PHC3: variants seen among roughly 807,000 people sequenced by gnomAD.
PHC3 encodes polyhomeotic-like protein 3.
In PHC3, 13 loss-of-function variants were observed where a neutral mutation model predicts 107.4. That is an observed-to-expected ratio of 0.12 (90% confidence interval 0.08 to 0.19). The LOEUF (loss-of-function observed/expected upper bound fraction) is 0.19. Among genes scored for constraint, PHC3 ranks in the 10% least tolerant of loss-of-function variants. PHC3 has a pLI of 1.00. For synonymous variants in PHC3, 456 were observed against 427.4 expected (o/e 1.07, Z -0.83); for missense variants, 992 against 1,210.9 (o/e 0.82, Z 2.68).
At chr3:170,122,789 A>G in intron 8 of PHC3, 45 bp from the exon 9 acceptor site, 1 of 1,588,774 alleles carries the variant, frequency 6.3e-7, no homozygotes, top group Non-Finnish European at 8.6e-7. Flanking sequence ...CCAAAACTAT[A>G]TTTTATCAGG....
intron 10 of PHC3, among the ~76,000 whole-genome samples, chr3:170,113,996 CT>C (rs913398361): frequency 1.2e-4 from 18 of 151,918 alleles, no homozygotes; most frequent in African/African-American, 4.1e-4. Flanking sequence ...TGGAGACTAA[CT>C]TTTTTCCTTT....
chr3:170,168,689 G>A (rs1392873445), intron 4 of PHC3, among the ~76,000 whole-genome samples: 4 of 146,734 alleles, frequency 2.7e-5, no homozygotes, highest in Admixed American at 7.1e-5. Context: ...GGGAGGCGGA[G>A]CTTGCGGTGA....
intron 6 of PHC3, among the ~76,000 whole-genome samples, chr3:170,144,380 C>A (rs1171784486): frequency 6.6e-6 from 1 of 151,548 alleles, no homozygotes; most frequent in Non-Finnish European, 1.5e-5. Flanking sequence ...TTTGTTTATC[C>A]ACTCAGCAGC....
At chr3:170,177,374 T>C (rs758105415) in intron 2 of PHC3, among the ~76,000 whole-genome samples, 1 of 152,066 alleles carries the variant, frequency 6.6e-6, no homozygotes, top group Non-Finnish European at 1.5e-5. Flanking sequence ...ATACTATATA[T>C]ATATATTTTG....
At chr3:170,121,684 T>C (rs1720352777) in intron 9 of PHC3, among the ~76,000 whole-genome samples, 1 of 152,140 alleles carries the variant, frequency 6.6e-6, no homozygotes, top group African/African-American at 2.4e-5. Flanking sequence ...TTAATCCATG[T>C]CTAAAAGCAC....
At position 170,133,368 on chromosome 3, in the gene PHC3, G is replaced by A. The variant is rs568739653; in HGVS notation, c.919+3051C>T. On this transcript the variant is annotated intron_variant, in intron 7 of 14. Coordinates refer to ENST00000495893, the MANE Select transcript of PHC3 (RefSeq NM_024947.4). ...TAATTTTTGTATTTTTAGTAGAGAC[G>A]GGGTTTCACCATGTTGGCCAGGATG... Among the ~76,000 whole-genome samples, 574 of 152,018 alleles carry A rather than the reference G, an allele frequency of 3.8e-3. 5 individuals carry two copies. Among genetic ancestry groups the A allele is most frequent in the South Asian group, 0.033 (158 of 4,804 alleles).
In PHC3 at chr3:170,092,597, C is replaced by A. The variant is rs576348788; in HGVS notation, c.*4633G>T. The A allele has an allele frequency of 6.6e-6, 1 of 152,196 alleles. No homozygotes were observed. The highest frequency in any genetic ancestry group is 2.4e-5 in the African/African-American group (1 of 41,446). The allele number at this position is 152,196 out of a possible 1,614,324, so 9.4% of individuals were successfully genotyped here. Reference sequence around the variant, plus strand: ...TCTTTTCCCAATTCTTAGACTGAGACACAACCTAGCAAATAAAATACTATC... The same window carrying A: ...TCTTTTCCCAATTCTTAGACTGAGAAACAACCTAGCAAATAAAATACTATC... On this transcript the variant is annotated 3_prime_UTR_variant, in exon 15 of 15. Transcript: ENST00000495893.
intron 2 of PHC3, 78 bp from the exon 3 acceptor site, chr3:170,172,790 G>T: frequency 6.7e-7 from 1 of 1,491,180 alleles, no homozygotes; most frequent in South Asian, 1.3e-5. Flanking sequence ...GTATAAAAAA[G>T]TGGCAGTTTA....
At chr3:170,142,233 ATATAT>A (rs1409454226) in intron 6 of PHC3, among the ~76,000 whole-genome samples, 1 of 152,162 alleles carries the variant, frequency 6.6e-6, no homozygotes, top group East Asian at 1.9e-4. Context: ...ACCTTTTGAA[ATATAT>A]TATAAATGTT....
chr3:170,090,511 G>T lies in PHC3; in HGVS notation c.*6719C>A, dbSNP rs1560003981. 3 of 152,142 alleles carry T rather than the reference G, an allele frequency of 2.0e-5. No homozygotes were observed. Among genetic ancestry groups the T allele is most frequent in the Admixed American group, 1.3e-4 (2 of 15,268 alleles). The allele number at this position is 152,142 out of a possible 1,614,324, so 9.4% of individuals were successfully genotyped here. ...ACCAATAAGGAGCATTTAGGAAAAT[G>T]TCATCATTTGCTTGTTATGTATGAA... On this transcript the variant is annotated 3_prime_UTR_variant, in exon 15 of 15. Coordinates refer to ENST00000495893, the MANE Select transcript of PHC3 (RefSeq NM_024947.4).
chr3:170,144,276 G>C (rs1297198824), intron 6 of PHC3, among the ~76,000 whole-genome samples: 1 of 151,838 alleles, frequency 6.6e-6, no homozygotes, highest in East Asian at 1.9e-4. Context: ...AGGAGGTGGA[G>C]GTTGCAGTGA....
At position 170,088,786 on chromosome 3, in the gene PHC3, T is replaced by C. The variant is rs1713760690; in HGVS notation, c.*8444A>G. ...AACCCAGATTATCTGGCTACTTAGA[T>C]GATAGTCTTCCTGTTTTCAATTAGT... is the stretch of plus-strand genomic sequence containing the variant. On this transcript the variant is annotated 3_prime_UTR_variant, in exon 15 of 15. Transcript: ENST00000495893. 6.6e-6 allele frequency: 1 copy of C among 152,248 alleles called. No individual in the cohort carries two copies. The highest frequency in any genetic ancestry group is 1.5e-5 in the Non-Finnish European group (1 of 68,040). The allele number at this position is 152,248 out of a possible 1,614,324, so 9.4% of individuals were successfully genotyped here.
At position 170,091,373 on chromosome 3, in the gene PHC3, T is replaced by C. The variant is rs886463795; in HGVS notation, c.*5857A>G. 3 of 152,204 alleles carry C rather than the reference T, an allele frequency of 2.0e-5. No homozygotes were observed. Among genetic ancestry groups the C allele is most frequent in the Non-Finnish European group, 2.9e-5 (2 of 68,034 alleles). 9.4% of individuals were successfully genotyped at this position (152,204 alleles called of 1,614,324 possible). On this transcript the variant is annotated 3_prime_UTR_variant, in exon 15 of 15. Coordinates refer to ENST00000495893, the MANE Select transcript of PHC3 (RefSeq NM_024947.4). ...ATTTTGTTTTCTTTCTATGGATTCA[T>C]ACTGAACACCACCAGTATCACTGAG...
chr3:170,136,233 ATTTAT>A, intron 7 of PHC3, 181 bp downstream of exon 7: 1 of 647,618 alleles, frequency 1.5e-6, no homozygotes, highest in Admixed American at 3.6e-5. Flanking sequence ...TATTGTTACA[ATTTAT>A]TTTATCTTTT....
chr3:170,123,448 G>C (rs1311575852), intron 8 of PHC3, among the ~76,000 whole-genome samples: 3 of 151,660 alleles, frequency 2.0e-5, no homozygotes, highest in African/African-American at 4.9e-5. Context: ...AAGTTTTTAA[G>C]TCTATAACTT....
intron 3 of PHC3, among the ~76,000 whole-genome samples, chr3:170,172,101 G>GT (rs1176391990): frequency 2.6e-5 from 4 of 152,120 alleles, no homozygotes; most frequent in African/African-American, 9.7e-5. Flanking sequence ...GTATTAGATT[G>GT]TTACTGTGGC....
At chr3:170,140,433 T>C (rs887327555) in intron 6 of PHC3, among the ~76,000 whole-genome samples, 4 of 151,356 alleles carry the variant, frequency 2.6e-5, no homozygotes, top group Admixed American at 2.0e-4. Flanking sequence ...TTTCTATTTT[T>C]AGTAAAGATG....
At chr3:170,153,061 T>A (rs1350951805) in intron 4 of PHC3, among the ~76,000 whole-genome samples, 1 of 152,236 alleles carries the variant, frequency 6.6e-6, no homozygotes, top group Non-Finnish European at 1.5e-5. Flanking sequence ...AACCCTTTTT[T>A]GAAGTTCCAG....
chr3:170,104,872 T>C (rs1448432138), intron 12 of PHC3, among the ~76,000 whole-genome samples: 1 of 152,208 alleles, frequency 6.6e-6, no homozygotes, highest in Non-Finnish European at 1.5e-5. Context: ...TCCATTTATA[T>C]CAACTGATAA....
Sources: gnomAD v4.1 joint callset for allele counts (sites outside exome capture counted in the v4.1 genomes callset) on GRCh38, gnomAD v4.1.1 for gene constraint, MANE v1.5 for transcripts, NCBI Gene and HGNC (gene_info 2026-07-23, HGNC 2026-07-21) for gene names.